Variants in MIIP observed in about 807,000 individuals in gnomAD.
The protein encoded by MIIP is migration and invasion-inhibitory protein.
MIIP carries 44 observed loss-of-function variants against 44.8 expected under a neutral mutation model. The observed-to-expected ratio is 0.98, with a 90% CI of 0.77 to 1.26. The LOEUF (loss-of-function observed/expected upper bound fraction) is 1.26. Among genes scored for constraint, MIIP ranks in the 50% most tolerant of loss-of-function variants. MIIP has a pLI of 0.00. For synonymous variants in MIIP, 225 were observed against 218.3 expected (o/e 1.03, Z -0.27); for missense variants, 496 against 511.7 (o/e 0.97, Z 0.30).
intron 4 of MIIP, among the ~76,000 whole-genome samples, chr1:12,028,243 G>A (rs1387832263): frequency 1.3e-5 from 2 of 152,222 alleles, no homozygotes; most frequent in East Asian, 3.9e-4. Context: ...GTCGAATCAT[G>A]GTAAGTTGGG....
chr1:12,029,523 C>T, intron 6 of MIIP: 2 of 686,708 alleles, frequency 2.9e-6, no homozygotes, highest in Non-Finnish European at 4.9e-6. Flanking sequence ...CCCTCCCCAG[C>T]AGTGCCCCTG....
intron 4 of MIIP, among the ~76,000 whole-genome samples, chr1:12,026,730 G>C (rs2100902379): frequency 6.6e-6 from 1 of 152,294 alleles, no homozygotes; most frequent in East Asian, 1.9e-4. Flanking sequence ...TGACTCCTTT[G>C]CCCTTCATGA....
chr1:12,023,625 G>A (rs1057066165), intron 4 of MIIP, among the ~76,000 whole-genome samples: 4 of 148,918 alleles, frequency 2.7e-5, no homozygotes, highest in African/African-American at 7.4e-5. Context: ...GTGTTAGCTC[G>A]CCTCAGCCTT....
intron 4 of MIIP, among the ~76,000 whole-genome samples, chr1:12,025,289 C>CACTCAAGT: frequency 6.6e-6 from 1 of 151,786 alleles, no homozygotes; most frequent in South Asian, 2.1e-4. Flanking sequence ...CGAACTCCTG[C>CACTCAAGT]ACTCAAGTGA....
chr1:12,021,752 A>G lies in MIIP; in HGVS notation c.26A>G (p.Gln9Arg). Residue 9 changes from glutamine to arginine, a missense_variant, in exon 2 of 10, where the codon CAG becomes CGG. Transcript: ENST00000235332. MVEAEELA[Q>R]LRLLNLELLR... ...ATGGTGGAGGCTGAGGAACTGGCAC[A>G]GCTGCGGCTGCTCAATCTGGAGCTC... is the stretch of plus-strand genomic sequence containing the variant. 14 of 1,613,036 alleles carry G rather than the reference A, an allele frequency of 8.7e-6. No homozygotes were observed. The highest frequency in any genetic ancestry group is 1.2e-5 in the Non-Finnish European group (14 of 1,179,964).
chr1:12,027,718 G>A (rs967914021), intron 4 of MIIP, among the ~76,000 whole-genome samples: 4 of 152,124 alleles, frequency 2.6e-5, no homozygotes, highest in Non-Finnish European at 1.5e-5. Flanking sequence ...TTCCAGACTT[G>A]TATATCCCAC....
rs1043896892 is a variant in MIIP, at chr1:12,031,634, G to A, written c.1081-88G>A. ...TCCACCCAGGAAGGCCACCCTGACT[G>A]CAAGATCCAGGAGGGAATGTGGCTG... On this transcript the variant is annotated intron_variant, in intron 9 of 9. Transcript: ENST00000235332. The A allele has an allele frequency of 4.3e-6, 7 of 1,613,206 alleles. No individual in the cohort carries two copies. The Admixed American group carries it at 6.7e-5, about 15-fold the overall frequency.
intron 4 of MIIP, among the ~76,000 whole-genome samples, chr1:12,028,268 C>T (rs960947997): frequency 3.9e-5 from 6 of 152,164 alleles, no homozygotes; most frequent in Non-Finnish European, 5.9e-5. Flanking sequence ...GCCCCTACCT[C>T]TCCCCAGCTG....
rs150012479 is a variant in MIIP, at chr1:12,030,123, G to A, written c.941G>A (p.Arg314Gln). The A allele has an allele frequency of 4.9e-4, 797 of 1,612,242 alleles. 17 individuals carry two copies. In the South Asian group the frequency reaches 7.9e-3, roughly 16 times the overall value. Residue 314 changes from arginine (R) to glutamine (Q), a missense_variant and splice_region_variant, in exon 8 of 10, where the codon CGG becomes CAG. Physicochemically the swap from Arg to Gln is conservative, Grantham distance 43. Coordinates refer to ENST00000235332, the MANE Select transcript of MIIP (RefSeq NM_021933.4). Reference protein sequence around the residue: ...FDASDTLALPRHCLLGWDIFP... With the variant: ...FDASDTLALPQHCLLGWDIFP... Reference sequence around the variant, plus strand: ...GCCTCTGACACACTGGCCCTGCCCCGGGTGAGCAGCCACGTGGGGCTGGAT... The same window carrying A: ...GCCTCTGACACACTGGCCCTGCCCCAGGTGAGCAGCCACGTGGGGCTGGAT...
intron 6 of MIIP, 142 bp from the exon 7 acceptor site, chr1:12,029,623 A>AT: frequency 8.5e-7 from 1 of 1,178,784 alleles, no homozygotes; most frequent in Admixed American, 2.6e-5. Context: ...TCTGGGAGGA[A>AT]AGGGGTTAGG....
At chr1:12,021,255 G>A (rs377041651) in intron 1 of MIIP, among the ~76,000 whole-genome samples, 7 of 151,908 alleles carry the variant, frequency 4.6e-5, no homozygotes, top group South Asian at 2.1e-4. Context: ...TTAGCTGGGC[G>A]TGGTGGCAGG....
intron 1 of MIIP, among the ~76,000 whole-genome samples, chr1:12,020,464 T>A (rs867184786): frequency 1.3e-5 from 2 of 152,228 alleles, no homozygotes; most frequent in Admixed American, 1.3e-4. Flanking sequence ...TGTATACCAC[T>A]GTAAGCACTG....
intron 4 of MIIP, 31 bp downstream of exon 4, chr1:12,022,948 T>TGCCTGGGAGTGGGAGGTGGAG: frequency 6.4e-7 from 1 of 1,555,066 alleles, no homozygotes; most frequent in Non-Finnish European, 8.8e-7. Context: ...GCACACACTT[T>TGCCTGGGAGTGGGAGGTGGAG]GCCTGGGAGT....
At position 12,031,795 on chromosome 1, in the gene MIIP, G is replaced by A; in HGVS notation, c.1154G>A (p.Arg385Gln). 5 of 1,613,748 alleles carry A rather than the reference G, an allele frequency of 3.1e-6. No homozygotes were observed. Among genetic ancestry groups the A allele is most frequent in the Non-Finnish European group, 4.2e-6 (5 of 1,179,846 alleles). The change falls in exon 10 of 10, where the codon CGG (arginine) becomes CAG (glutamine). Residue 385 changes from arginine to glutamine, a missense_variant. Coordinates refer to ENST00000235332, the MANE Select transcript of MIIP (RefSeq NM_021933.4). The part of the protein sequence containing the change: ...VPQVPRPHVP[R>Q]QKP ...CAGGTCCCTCGGCCCCACGTCCCACGGCAGAAGCCCTGAGGACTGACTCCT... is the reference window on the plus strand; with the variant it reads ...CAGGTCCCTCGGCCCCACGTCCCACAGCAGAAGCCCTGAGGACTGACTCCT...
Position 12,031,924 on chromosome 1 carries a change from T to A in MIIP, c.*116T>A. On this transcript the variant is annotated 3_prime_UTR_variant, in exon 10 of 10. Transcript: ENST00000235332. ...CCAGCTCAGGCCCAGCTGTCCTAGGTTGGGCAGGTGGGTGGACCCAAGCTT... is the reference window on the plus strand; with the variant it reads ...CCAGCTCAGGCCCAGCTGTCCTAGGATGGGCAGGTGGGTGGACCCAAGCTT... 9.2e-7 allele frequency: 1 copy of A among 1,085,636 alleles called. No individual in the cohort carries two copies. Among genetic ancestry groups the A allele is most frequent in the Non-Finnish European group, 1.3e-6 (1 of 748,344 alleles). 67.3% of individuals were successfully genotyped at this position (1,085,636 alleles called of 1,614,324 possible). A position where few individuals can be genotyped will look rare whatever the true frequency, so the allele number is the denominator to read the frequency against.
intron 4 of MIIP, 74 bp downstream of exon 4, chr1:12,022,991 T>C (rs941159636): frequency 2.5e-6 from 3 of 1,191,980 alleles, no homozygotes; most frequent in Admixed American, 2.0e-5. Flanking sequence ...TCCATGCTCC[T>C]GTCTGAGCCT....
At chr1:12,030,430 CA>C (rs202135643) in intron 8 of MIIP, among the ~76,000 whole-genome samples, 1,735 of 152,132 alleles carry the variant, frequency 0.011, 12 homozygotes, top group African/African-American at 0.023. Context: ...ATGGAGCCCC[CA>C]CAGCAGCCAG....
At position 12,031,049 on chromosome 1, in the gene MIIP, A is replaced by T. The variant is rs1640229738; in HGVS notation, c.943-217A>T. 2.2e-5 allele frequency: 13 copies of T among 592,078 alleles called. No homozygotes were observed. In the South Asian group the frequency reaches 2.7e-4, roughly 12 times the overall value. The allele number at this position is 592,078 out of a possible 1,614,324, so 36.7% of individuals were successfully genotyped here. ...CTGTGAATGTCACTGTCACCGTCCT[A>T]TCCTCCTCCCATTTCAGCTCTCAGG... On this transcript the variant is annotated intron_variant, in intron 8 of 9. Transcript: ENST00000235332.
rs577639266 is a variant in MIIP at position 12,030,026 on chromosome 1, A to G, written c.846-2A>G. Reference sequence around the variant, plus strand: ...GGGGTCCCCCACTGCCCCCCTGCGCAGGGTGAGCATCCCGCTGTCGATCCT... The same window carrying G: ...GGGGTCCCCCACTGCCCCCCTGCGCGGGGTGAGCATCCCGCTGTCGATCCT... On this transcript the variant is annotated splice_acceptor_variant, in intron 7 of 9. Coordinates refer to ENST00000235332, the MANE Select transcript of MIIP (RefSeq NM_021933.4). LOFTEE classifies it high-confidence loss of function. The G allele has an allele frequency of 5.6e-6, 9 of 1,613,334 alleles. No individual in the cohort carries two copies. The East Asian group carries it at 1.6e-4, about 28-fold the overall frequency.
Sources: allele counts gnomAD v4.1 joint callset (sites outside exome capture counted in the v4.1 genomes callset), GRCh38; gene constraint gnomAD v4.1.1; transcripts MANE v1.5; gene names NCBI Gene and HGNC (gene_info 2026-07-23, HGNC 2026-07-21).